Variants in TIMM44 observed in about 807,000 individuals in gnomAD.
TIMM44 encodes translocase of inner mitochondrial membrane 44, also known as mitochondrial import inner membrane translocase subunit TIM44.
In TIMM44, 37 loss-of-function variants were observed where a neutral mutation model predicts 63.8. That is an observed-to-expected ratio of 0.58 (90% CI 0.45 to 0.76). The LOEUF (loss-of-function observed/expected upper bound fraction) is 0.76. Among genes scored for constraint, TIMM44 ranks in the 30% least tolerant of loss-of-function variants. The pLI is 0.00. For synonymous variants in TIMM44, 239 were observed against 245.1 expected, an observed-to-expected ratio of 0.98 and a Z score of 0.23; for missense variants, 573 against 603.8, an observed-to-expected ratio of 0.95 and a Z score of 0.54.
At chr19:7,932,794 C>G in intron 8 of TIMM44, 43 bp from the exon 9 acceptor site, 1 of 1,614,036 alleles carries the variant, frequency 6.2e-7, no homozygotes, top group South Asian at 1.1e-5. Context: ...AGGCCGGGGA[C>G]CCCGCCCCAC....
chr19:7,930,833 C>T (rs1367345041), intron 10 of TIMM44, among the ~76,000 whole-genome samples: 3 of 152,238 alleles, frequency 2.0e-5, no homozygotes, highest in Non-Finnish European at 4.4e-5. Flanking sequence ...ACACCCCCAA[C>T]CAGCCATCTC....
Position 7,933,973 on chromosome 19 carries a change from C to G in TIMM44, c.574G>C (p.Asp192His). 6.2e-7 allele frequency: 1 copy of G among 1,614,112 alleles called. No homozygotes were observed. Among genetic ancestry groups the G allele is most frequent in the Non-Finnish European group, 8.5e-7 (1 of 1,180,024 alleles). Residue 192 changes from aspartate (D) to histidine (H), a missense_variant, in exon 6 of 13, where the codon GAC becomes CAC. Transcript: ENST00000270538. The surrounding 1 kb of genome is among the most constrained non-coding windows in gnomAD (Gnocchi z 4.3). ...GVESVKKEIDDSVLGQTGPYR... is the reference protein window; with the variant it reads ...GVESVKKEIDHSVLGQTGPYR... ...GGCCCGGTCTGTCCCAGGACGCTGT[C>G]GTCAATTTCCTTCTTCACGGACTCC...
intron 2 of TIMM44, among the ~76,000 whole-genome samples, chr19:7,938,888 T>C (rs1984227159): frequency 1.3e-5 from 2 of 151,970 alleles, no homozygotes; most frequent in Admixed American, 1.3e-4. Context: ...GAACCTTAAA[T>C]GTATATTGCA....
chr19:7,943,061 A>G lies in TIMM44; in HGVS notation c.45+546T>C, dbSNP rs1048657603. ...GTCTCAAAAAAAAAAAAAAAAGAGA[A>G]AAAAGAAAAAACGAAGAGCACGAGC... On this transcript the variant is annotated intron_variant, in intron 1 of 12. Coordinates refer to ENST00000270538, the MANE Select transcript of TIMM44 (RefSeq NM_006351.4). The surrounding 1 kb of genome is among the most constrained non-coding windows in gnomAD (Gnocchi z 4.3). Among the ~76,000 whole-genome samples, 5 of 151,412 alleles carry G rather than the reference A, an allele frequency of 3.3e-5. No individual in the cohort carries two copies. Among genetic ancestry groups the G allele is most frequent in the Admixed American group, 3.3e-4 (5 of 15,212 alleles).
In TIMM44 at chr19:7,933,032, C is replaced by A; in HGVS notation, c.770-100G>T. On this transcript the variant is annotated intron_variant, in intron 7 of 12. Coordinates refer to ENST00000270538, the MANE Select transcript of TIMM44 (RefSeq NM_006351.4). The surrounding 1 kb of genome is among the most constrained non-coding windows in gnomAD (Gnocchi z 4.3). ...CTCCCTGTGACCCCTGCGGGATCCA[C>A]CCTGACACGGGTGGGGTCAGGGAGG... The A allele has an allele frequency of 1.0e-6, 1 of 963,478 alleles. No individual in the cohort carries two copies. The highest frequency in any genetic ancestry group is 1.6e-6 in the Non-Finnish European group (1 of 613,234). 59.7% of individuals were successfully genotyped at this position (963,478 alleles called of 1,614,324 possible). A position where few individuals can be genotyped will look rare whatever the true frequency, so the allele number is the denominator to read the frequency against.
intron 9 of TIMM44, chr19:7,932,399 G>T (rs540878488): frequency 3.4e-6 from 2 of 595,624 alleles, no homozygotes; most frequent in Non-Finnish European, 5.9e-6. Context: ...GAGGAGTGAG[G>T]GAAACAGACC....
Position 7,934,333 on chromosome 19 carries a change from G to GATCT in TIMM44, c.394-99_394-96dup, listed in dbSNP as rs1984079360. On this transcript the variant is annotated intron_variant, in intron 4 of 12. Transcript: ENST00000270538. This position sits in a 1 kb window ranked among gnomAD's most constrained non-coding sequence, Gnocchi z 5.3. ...TGAATTCCTGCCGGAGAGAAGGGCG[G>GATCT]ATCTGGTTCCCCGAGGCCGGCAGAG... The GATCT allele has an allele frequency of 6.5e-7, 1 of 1,538,752 alleles. No homozygotes were observed.
chr19:7,928,827 TG>T (rs1983890821), intron 10 of TIMM44: 1 of 148,832 alleles, frequency 6.7e-6, no homozygotes. Flanking sequence ...TGGACGTGGC[TG>T]GAACTTCAGC....
chr19:7,929,635 G>C (rs1171313366), intron 10 of TIMM44, among the ~76,000 whole-genome samples: 1 of 152,088 alleles, frequency 6.6e-6, no homozygotes, highest in Admixed American at 6.5e-5. Flanking sequence ...CAGGGACTCT[G>C]CTCTGGCCTG....
intron 3 of TIMM44, 49 bp from the exon 4 acceptor site, chr19:7,935,194 ATG>A (rs1431540559): frequency 1.4e-6 from 2 of 1,445,866 alleles, no homozygotes; most frequent in African/African-American, 3.0e-5. Context: ...TTTTGAGACA[ATG>A]TCTCCGTTGC....
chr19:7,931,151 C>A lies in TIMM44; in HGVS notation c.1025G>T (p.Trp342Leu). 2.5e-6 allele frequency: 4 copies of A among 1,613,760 alleles called. No homozygotes were observed. Among genetic ancestry groups the A allele is most frequent in the Non-Finnish European group, 3.4e-6 (4 of 1,179,886 alleles). The change falls in exon 10 of 13, where the codon TGG becomes TTG. Residue 342 changes from tryptophan (W) to leucine (L), a missense_variant. Transcript: ENST00000270538. ...GGAAGTACTCACAGCTTCATAGCAC[C>A]AGTCTTTGAGAATGTCAAGCTCTCC... ...ISGELDILKDWCYEATYSQLA... is the reference protein window; with the variant it reads ...ISGELDILKDLCYEATYSQLA...
rs1179570818 is a variant in TIMM44 at position 7,943,322 on chromosome 19, CA to C, written c.45+284del. 2.0e-5 allele frequency among the ~76,000 whole-genome samples: 3 copies of C among 151,460 alleles called. No individual in the cohort carries two copies. Among genetic ancestry groups the C allele is most frequent in the African/African-American group, 7.3e-5 (3 of 41,208 alleles). Reference sequence around the variant, plus strand: ...CACGGGACGCCGCCGCCCCGGCTACCATTCTCTCTCCTGTATACGTGGAGTC... The same window carrying C: ...CACGGGACGCCGCCGCCCCGGCTACCTTCTCTCTCCTGTATACGTGGAGTC... On this transcript the variant is annotated intron_variant, in intron 1 of 12. Coordinates refer to ENST00000270538, the MANE Select transcript of TIMM44 (RefSeq NM_006351.4). The surrounding 1 kb of genome is among the most constrained non-coding windows in gnomAD (Gnocchi z 4.3).
At position 7,933,767 on chromosome 19, in the gene TIMM44, A is replaced by C; in HGVS notation, c.683+97T>G. 2 of 1,572,502 alleles carry C rather than the reference A, an allele frequency of 1.3e-6. No homozygotes were observed. Among genetic ancestry groups the C allele is most frequent in the Non-Finnish European group, 1.7e-6 (2 of 1,148,750 alleles). ...CCTTGGGCAGAAGGCAAACTCAAGA[A>C]ACGGACTCAGGAGGGAACCATTGGT... On this transcript the variant is annotated intron_variant, in intron 6 of 12. Transcript: ENST00000270538. This position sits in a 1 kb window ranked among gnomAD's most constrained non-coding sequence, Gnocchi z 4.3.
In TIMM44 at chr19:7,943,063, AAAG is replaced by A. The variant is rs1158069330; in HGVS notation, c.45+541_45+543del. ...CTCAAAAAAAAAAAAAAAAGAGAAA[AAAG>A]AAAAAACGAAGAGCACGAGCAATAT... On this transcript the variant is annotated intron_variant, in intron 1 of 12. Transcript: ENST00000270538. This position sits in a 1 kb window ranked among gnomAD's most constrained non-coding sequence, Gnocchi z 4.3. Among the ~76,000 whole-genome samples the A allele has an allele frequency of 6.6e-6, 1 of 151,654 alleles. No individual in the cohort carries two copies. The highest frequency in any genetic ancestry group is 2.4e-5 in the African/African-American group (1 of 41,348).
At chr19:7,932,055 C>A (rs535930014) in intron 9 of TIMM44, among the ~76,000 whole-genome samples, 2 of 152,238 alleles carry the variant, frequency 1.3e-5, no homozygotes, top group African/African-American at 4.8e-5. Flanking sequence ...GTCCAGGCTC[C>A]TCCTGCATCC....
chr19:7,928,244 C>A, intron 10 of TIMM44, 78 bp from the exon 11 acceptor site: 1 of 1,282,926 alleles, frequency 7.8e-7, no homozygotes, highest in Non-Finnish European at 1.1e-6. Flanking sequence ...TGCCCACACA[C>A]CCTGGCGCCC....
chr19:7,941,301 ATT>A (rs373554761), intron 1 of TIMM44, 104 bp from the exon 2 acceptor site: 5,522 of 649,544 alleles, frequency 8.5e-3, no homozygotes, highest in Middle Eastern at 0.011. Context: ...CTCACTGGCC[ATT>A]TTTTTTTTTT....
At chr19:7,930,072 CTCCT>C (rs1243603797) in intron 10 of TIMM44, among the ~76,000 whole-genome samples, 6 of 152,036 alleles carry the variant, frequency 3.9e-5, no homozygotes, top group Non-Finnish European at 8.8e-5. Flanking sequence ...TGGTCTCGAA[CTCCT>C]GACCTCAGGT....
In TIMM44 at chr19:7,933,582, G is replaced by A; in HGVS notation, c.684-12C>T. On this transcript the variant is annotated splice_polypyrimidine_tract_variant and intron_variant, in intron 6 of 12. Coordinates refer to ENST00000270538, the MANE Select transcript of TIMM44 (RefSeq NM_006351.4). The surrounding 1 kb of genome is among the most constrained non-coding windows in gnomAD (Gnocchi z 4.3). Reference sequence around the variant, plus strand: ...CCCCCAGGGCCTCCCTGGGGAAGAGGGTGGGCCCTGGGGTGAGCGGCGGCG... The same window carrying A: ...CCCCCAGGGCCTCCCTGGGGAAGAGAGTGGGCCCTGGGGTGAGCGGCGGCG... 6.2e-7 allele frequency: 1 copy of A among 1,612,970 alleles called. No individual in the cohort carries two copies. Among genetic ancestry groups the A allele is most frequent in the Non-Finnish European group, 8.5e-7 (1 of 1,179,094 alleles).
Sources: gnomAD v4.1 joint callset for allele counts (sites outside exome capture counted in the v4.1 genomes callset) on GRCh38, gnomAD v4.1.1 for gene constraint, Gnocchi (gnomAD v3.1) non-coding constraint, MANE v1.5 for transcripts, NCBI Gene and HGNC (gene_info 2026-07-23, HGNC 2026-07-21) for gene names.